NYAP2: variants seen among roughly 807,000 people sequenced by gnomAD.
NYAP2 encodes the protein neuronal tyrosine-phosphorylated phosphoinositide-3-kinase adaptor 2.
NYAP2 carries 23 observed loss-of-function variants against 50.4 expected under a neutral mutation model. The observed-to-expected ratio is 0.46, with a 90% CI of 0.33 to 0.65. The LOEUF (loss-of-function observed/expected upper bound fraction) is 0.65. NYAP2 is among the 30% of genes least tolerant of loss of function. The pLI, the probability that NYAP2 is intolerant of heterozygous loss-of-function variation, is 0.02. For synonymous variants in NYAP2, 394 were observed against 365.2 expected, an observed-to-expected ratio of 1.08 and a Z score of -0.90; for missense variants, 885 against 861.0, an observed-to-expected ratio of 1.03 and a Z score of -0.35.
In NYAP2 at chr2:225,605,534, G is replaced by GT. The variant is rs1323904656; in HGVS notation, c.1619-21382dup. On this transcript the variant is annotated intron_variant, in intron 5 of 6. Coordinates refer to ENST00000636099, the Ensembl canonical transcript of NYAP2. ...AGAGCAGCCTAGCTGAAGTAGCTAA[G>GT]TAAAAAATCAGAATTTAATAACAAA... 2.0e-5 allele frequency among the ~76,000 whole-genome samples: 3 copies of GT among 152,196 alleles called. No individual in the cohort carries two copies. In the East Asian group the frequency reaches 5.8e-4, roughly 29 times the overall value.
At chr2:225,531,088 C>A (rs541719628) in intron 4 of NYAP2, among the ~76,000 whole-genome samples, 11 of 152,318 alleles carry the variant, frequency 7.2e-5, no homozygotes, top group African/African-American at 2.6e-4. Context: ...CCATTCTGCT[C>A]ATTTCATCTG....
chr2:225,676,389 C>A, the NYAP2 span, among the ~76,000 whole-genome samples: 1 of 151,914 alleles, frequency 6.6e-6, no homozygotes, highest in African/African-American at 2.4e-5. Context: ...TCTTCCAGCA[C>A]CATTTATTGA....
At chr2:225,621,701 GT>G (rs557629954) in intron 5 of NYAP2, among the ~76,000 whole-genome samples, 3,993 of 150,850 alleles carry the variant, frequency 0.026, 77 homozygotes, top group Non-Finnish European at 0.042. Context: ...TTTTAATACA[GT>G]TTTTTTTTAT....
intron 3 of NYAP2, among the ~76,000 whole-genome samples, chr2:225,413,744 A>ATTCAAT (rs1695083504): frequency 6.6e-6 from 1 of 152,194 alleles, no homozygotes; most frequent in African/African-American, 2.4e-5. Context: ...AGTAGAGAGA[A>ATTCAAT]TTCAATGAGG....
At chr2:225,564,066 A>G (rs771122730) in intron 4 of NYAP2, among the ~76,000 whole-genome samples, 1 of 152,136 alleles carries the variant, frequency 6.6e-6, no homozygotes, top group African/African-American at 2.4e-5. Context: ...ATCTAAAACT[A>G]AAACCAAAGA....
At chr2:225,487,691 T>C (rs1303406858) in intron 3 of NYAP2, among the ~76,000 whole-genome samples, 1 of 152,160 alleles carries the variant, frequency 6.6e-6, no homozygotes. Context: ...TATTTAGGAA[T>C]TTTGAATTAG....
At chr2:225,452,111 A>G (rs989812712) in intron 3 of NYAP2, among the ~76,000 whole-genome samples, 3 of 152,202 alleles carry the variant, frequency 2.0e-5, no homozygotes, top group East Asian at 1.9e-4. Context: ...TGAGGGCTCA[A>G]ATCTATCCTG....
intron 2 of NYAP2, among the ~76,000 whole-genome samples, chr2:225,403,652 A>T (rs890633594): frequency 6.6e-6 from 1 of 151,946 alleles, no homozygotes; most frequent in South Asian, 2.1e-4. Flanking sequence ...ACAACTTTAT[A>T]TCTTGGAAAA....
At chr2:225,604,560 A>C (rs1692751819) in intron 5 of NYAP2, among the ~76,000 whole-genome samples, 2 of 152,126 alleles carry the variant, frequency 1.3e-5, no homozygotes, top group Non-Finnish European at 2.9e-5. Context: ...TATTGCTAAG[A>C]GATCAATATT....
chr2:225,412,338 G>T (rs1023990564), intron 3 of NYAP2, among the ~76,000 whole-genome samples: 1 of 133,996 alleles, frequency 7.5e-6, no homozygotes, highest in African/African-American at 2.7e-5. Flanking sequence ...AAATGTGGTT[G>T]TGAATGATTA....
chr2:225,496,280 G>A, intron 3 of NYAP2, among the ~76,000 whole-genome samples: 1 of 152,070 alleles, frequency 6.6e-6, no homozygotes, highest in Non-Finnish European at 1.5e-5. Flanking sequence ...TCCAGATTGT[G>A]GCCCTGAGTG....
chr2:225,565,630 A>G (rs1182253928), intron 4 of NYAP2, among the ~76,000 whole-genome samples: 1 of 135,766 alleles, frequency 7.4e-6, no homozygotes, highest in African/African-American at 2.4e-5. Flanking sequence ...TTCTCCATGT[A>G]TAGCAATAAT....
At chr2:225,681,691 CA>C in the NYAP2 span, among the ~76,000 whole-genome samples, 1 of 152,208 alleles carries the variant, frequency 6.6e-6, no homozygotes, top group Non-Finnish European at 1.5e-5. Context: ...CCCATAATCT[CA>C]CTGCATTTAT....
chr2:225,514,709 T>G (rs977264233), intron 4 of NYAP2, among the ~76,000 whole-genome samples: 1 of 152,112 alleles, frequency 6.6e-6, no homozygotes, highest in Non-Finnish European at 1.5e-5. Flanking sequence ...ACAGGCACAT[T>G]GAGATCTTTA....
chr2:225,497,036 C>T (rs984226726), intron 3 of NYAP2, among the ~76,000 whole-genome samples: 15 of 151,978 alleles, frequency 9.9e-5, no homozygotes, highest in African/African-American at 3.6e-4. Flanking sequence ...TGATCAAAGG[C>T]AAATTAACAC....
At chr2:225,537,148 T>C (rs1481826403) in intron 4 of NYAP2, among the ~76,000 whole-genome samples, 8 of 152,090 alleles carry the variant, frequency 5.3e-5, no homozygotes, top group Non-Finnish European at 2.9e-5. Context: ...CCTACTACCA[T>C]CCCAGCCTCT....
chr2:225,538,244 A>G (rs1574665757), intron 4 of NYAP2, among the ~76,000 whole-genome samples: 2 of 151,998 alleles, frequency 1.3e-5, no homozygotes, highest in South Asian at 4.2e-4. Flanking sequence ...CCTAGTAGGG[A>G]CTCCATGTGG....
rs374782501 is a variant in NYAP2, at chr2:225,620,466, TGCACAC to T, written c.1619-6440_1619-6435del. On this transcript the variant is annotated intron_variant, in intron 5 of 6. Transcript: ENST00000636099. ...ACGCACACGCACGCACACACGCGCA[TGCACAC>T]GCACACGCACGCACGCACACACACG... Among the ~76,000 whole-genome samples, 391 of 141,032 alleles carry T rather than the reference TGCACAC, an allele frequency of 2.8e-3. 6 individuals are homozygous for T. Among genetic ancestry groups the T allele is most frequent in the African/African-American group, 9.9e-3 (375 of 37,780 alleles). The allele number at this position is 141,032 out of a possible 152,430, so 92.5% of individuals were successfully genotyped here. A position where few individuals can be genotyped will look rare whatever the true frequency, so the allele number is the denominator to read the frequency against.
intron 5 of NYAP2, among the ~76,000 whole-genome samples, chr2:225,597,562 G>C (rs746846824): frequency 4.2e-5 from 3 of 71,666 alleles, no homozygotes; most frequent in Non-Finnish European, 6.1e-5. Context: ...CTTGTTGATT[G>C]ATAGACATTT....
Sources: gnomAD v4.1 joint callset for allele counts (sites outside exome capture counted in the v4.1 genomes callset) on GRCh38, gnomAD v4.1.1 for gene constraint, MANE v1.5 for transcripts, NCBI Gene and HGNC (gene_info 2026-07-23, HGNC 2026-07-21) for gene names.